Variants in UNC5D observed in about 807,000 individuals in gnomAD.
UNC5D encodes the protein netrin receptor UNC5D.
UNC5D carries 39 observed loss-of-function variants against 105.4 expected under a neutral mutation model. That is an observed-to-expected ratio of 0.37 (90% CI 0.29 to 0.48). The LOEUF is 0.48. UNC5D is among the 20% of genes least tolerant of loss of function. UNC5D has a pLI of 0.98. For missense variants in UNC5D, 991 were observed against 1,202.4 expected (o/e 0.82, Z 2.60); for synonymous variants, 452 against 450.4 (o/e 1.00, Z -0.04).
intron 1 of UNC5D, among the ~76,000 whole-genome samples, chr8:35,318,096 G>T (rs1273847231): frequency 6.6e-6 from 1 of 152,014 alleles, no homozygotes; most frequent in Non-Finnish European, 1.5e-5. Flanking sequence ...TAACTCTCAG[G>T]AGGCAACCTG....
chr8:35,524,422 A>G (rs1304885239), intron 1 of UNC5D, among the ~76,000 whole-genome samples: 2 of 149,836 alleles, frequency 1.3e-5, no homozygotes, highest in African/African-American at 4.9e-5. Flanking sequence ...CGCAGCAAGA[A>G]TCTCTTGCAC....
At chr8:35,666,005 G>C (rs1824397385) in intron 4 of UNC5D, among the ~76,000 whole-genome samples, 1 of 150,254 alleles carries the variant, frequency 6.7e-6, no homozygotes, top group South Asian at 2.1e-4. Flanking sequence ...TTCTTGAATG[G>C]ATTATTAGGG....
At chr8:35,525,565 C>A in intron 1 of UNC5D, 1 of 1,612,800 alleles carries the variant, frequency 6.2e-7, no homozygotes, top group Non-Finnish European at 8.5e-7. Context: ...TTAATTATTT[C>A]CACTTCTGAA....
At chr8:35,565,725 C>G (rs1006344339) in intron 2 of UNC5D, among the ~76,000 whole-genome samples, 2 of 152,188 alleles carry the variant, frequency 1.3e-5, no homozygotes, top group African/African-American at 4.8e-5. Flanking sequence ...AGTCTTTAAT[C>G]CAATTTGAGT....
intron 1 of UNC5D, among the ~76,000 whole-genome samples, chr8:35,437,054 A>G (rs537633840): frequency 4.0e-5 from 6 of 151,614 alleles, no homozygotes; most frequent in Non-Finnish European, 7.4e-5. Flanking sequence ...TGCCCCGGCT[A>G]GTCTCGAACC....
chr8:35,391,342 A>AT (rs1254331901), intron 1 of UNC5D, among the ~76,000 whole-genome samples: 1 of 152,186 alleles, frequency 6.6e-6, no homozygotes, highest in Non-Finnish European at 1.5e-5. Flanking sequence ...CAAGCAAATT[A>AT]TTTTTTGGAG....
Position 35,595,570 on chromosome 8 carries a change from T to C in UNC5D, c.483T>C (p.Phe161=). The C allele has an allele frequency of 1.2e-6, 2 of 1,614,070 alleles. No individual in the cohort carries two copies. The highest frequency in any genetic ancestry group is 1.7e-6 in the Non-Finnish European group (2 of 1,179,964). Residue 161 remains phenylalanine, a synonymous_variant, in exon 4 of 17, where the codon TTT becomes TTC. Transcript: ENST00000404895. The part of the protein sequence containing the change: ...SVRIAYLRKN[F]EQDPQGREVP... ...TCTTTGCAGATTTACGGAAAAACTT[T>C]GAACAAGACCCACAAGGAAGGGAAG...
chr8:35,684,807 G>A, intron 6 of UNC5D, 58 bp downstream of exon 6: 1 of 1,499,182 alleles, frequency 6.7e-7, no homozygotes, highest in Non-Finnish European at 8.9e-7. Context: ...TTAAGCTGGT[G>A]TGAAACAATC....
intron 1 of UNC5D, among the ~76,000 whole-genome samples, chr8:35,471,637 C>CT (rs1284359210): frequency 6.6e-6 from 1 of 152,180 alleles, no homozygotes; most frequent in East Asian, 1.9e-4. Context: ...TTAGCTTTTC[C>CT]TTGTGTTTTT....
rs372934895 is a variant in UNC5D, at chr8:35,240,064, T to C, written c.103+4177T>C. Among the ~76,000 whole-genome samples, 20 of 152,172 alleles carry C rather than the reference T, an allele frequency of 1.3e-4. No homozygotes were observed. In the East Asian group the frequency reaches 3.5e-3, roughly 26 times the overall value. ...GATCCTCCCACCCCAGCCTCTTGAG[T>C]AGCTGGGACTGTAGGCATGCATCAT... On this transcript the variant is annotated intron_variant, in intron 1 of 16. Transcript: ENST00000404895.
chr8:35,580,811 A>G (rs1818433817), intron 3 of UNC5D, among the ~76,000 whole-genome samples: 1 of 152,162 alleles, frequency 6.6e-6, no homozygotes, highest in African/African-American at 2.4e-5. Flanking sequence ...CCAAAGTTTG[A>G]CTAAAGAGAG....
chr8:35,640,888 C>T (rs1031689768), intron 4 of UNC5D, among the ~76,000 whole-genome samples: 3 of 151,988 alleles, frequency 2.0e-5, no homozygotes, highest in African/African-American at 4.8e-5. Context: ...GTCATTTAAA[C>T]GTAACTCTCT....
At chr8:35,612,281 G>A (rs1350698917) in intron 4 of UNC5D, among the ~76,000 whole-genome samples, 1 of 152,206 alleles carries the variant, frequency 6.6e-6, no homozygotes, top group Non-Finnish European at 1.5e-5. Context: ...AAGGTTCTCT[G>A]CTTCTTGCTC....
chr8:35,742,390 G>A (rs1563725217), intron 11 of UNC5D, among the ~76,000 whole-genome samples: 1 of 152,176 alleles, frequency 6.6e-6, no homozygotes, highest in Non-Finnish European at 1.5e-5. Context: ...TATATGTCTT[G>A]TGCATGGAAA....
At chr8:35,458,900 A>G (rs1315699860) in intron 1 of UNC5D, among the ~76,000 whole-genome samples, 1 of 152,188 alleles carries the variant, frequency 6.6e-6, no homozygotes, top group Non-Finnish European at 1.5e-5. Flanking sequence ...TATAAAGACC[A>G]AGACATTGTG....
chr8:35,436,229 TAAC>T (rs1807006166), intron 1 of UNC5D, among the ~76,000 whole-genome samples: 1 of 152,054 alleles, frequency 6.6e-6, no homozygotes, highest in Admixed American at 6.6e-5. Flanking sequence ...TGTTTGATTC[TAAC>T]AATATTTTGA....
At chr8:35,405,765 C>G (rs1458436587) in intron 1 of UNC5D, among the ~76,000 whole-genome samples, 2 of 152,056 alleles carry the variant, frequency 1.3e-5, no homozygotes, top group African/African-American at 4.8e-5. Flanking sequence ...TTTCTAGTTA[C>G]AACTCTGACC....
At chr8:35,288,308 T>C (rs2128858324) in intron 1 of UNC5D, among the ~76,000 whole-genome samples, 1 of 152,072 alleles carries the variant, frequency 6.6e-6, no homozygotes. Context: ...ATACTCAGAA[T>C]ACTGGGGAAA....
chr8:35,718,212 G>T (rs1018786681), intron 8 of UNC5D, among the ~76,000 whole-genome samples: 2 of 152,066 alleles, frequency 1.3e-5, no homozygotes, highest in Non-Finnish European at 2.9e-5. Flanking sequence ...AAATAGGGAT[G>T]AAGAAAACAG....
Sources: gnomAD v4.1 joint callset for allele counts (sites outside exome capture counted in the v4.1 genomes callset) on GRCh38, gnomAD v4.1.1 for gene constraint, MANE v1.5 for transcripts, NCBI Gene and HGNC (gene_info 2026-07-23, HGNC 2026-07-21) for gene names.